Variants in TJAP1 observed in about 807,000 individuals in gnomAD.
TJAP1 encodes the protein tight junction associated protein 1, also known as tight junction-associated protein 1.
In TJAP1, 27 loss-of-function variants were observed where a neutral mutation model predicts 42.0. The ratio of observed to expected loss-of-function variants is 0.64; its 90% CI spans 0.47 to 0.89. The LOEUF (loss-of-function observed/expected upper bound fraction) is 0.89, where lower values mean the gene tolerates loss of function less well. Ranked by LOEUF, TJAP1 falls within the 40% of genes least tolerant of loss-of-function variation. The probability of loss-of-function intolerance (pLI) is 0.00; values close to 1 mark genes in which losing one functional copy is unlikely to be tolerated. For synonymous variants in TJAP1, 257 were observed against 288.4 expected (o/e 0.89, Z 1.10); for missense variants, 712 against 726.9 (o/e 0.98, Z 0.24).
chr6:43,488,390 C>G (rs1787044856), intron 2 of TJAP1, among the ~76,000 whole-genome samples: 1 of 152,120 alleles, frequency 6.6e-6, no homozygotes, highest in African/African-American at 2.4e-5. Context: ...GAGGGTCTTG[C>G]CACAGCAGGC....
chr6:43,502,072 ACACACT>A lies in TJAP1; in HGVS notation c.291-209_291-204del, dbSNP rs1272209493. On this transcript the variant is annotated intron_variant, in intron 6 of 10. Transcript: ENST00000372449. ...GACACACACACACACACACACACAC[ACACACT>A]CTCTCTCTCTCTCTCTCTCTCTCTC... Among the ~76,000 whole-genome samples the A allele has an allele frequency of 1.2e-3, 139 of 117,220 alleles. 4 individuals carry two copies. The highest frequency in any genetic ancestry group is 3.2e-3 in the Admixed American group (40 of 12,584). 76.9% of individuals were successfully genotyped at this position (117,220 alleles called of 152,430 possible). A position where few individuals can be genotyped will look rare whatever the true frequency, so the allele number is the denominator to read the frequency against.
intron 10 of TJAP1, chr6:43,504,492 A>AGAT: frequency 1.9e-6 from 1 of 517,684 alleles, no homozygotes; most frequent in South Asian, 2.4e-5. Context: ...AGAAGCTGGG[A>AGAT]GATAGAAGTT....
intron 2 of TJAP1, among the ~76,000 whole-genome samples, chr6:43,496,043 G>A (rs1300125710): frequency 6.6e-6 from 1 of 152,146 alleles, no homozygotes; most frequent in Non-Finnish European, 1.5e-5. Context: ...GGCACACAAA[G>A]GGGCCTGCAG....
At position 43,492,491 on chromosome 6, in the gene TJAP1, C is replaced by T. The variant is rs1008500662; in HGVS notation, c.-121-5390C>T. Among the ~76,000 whole-genome samples the T allele has an allele frequency of 3.9e-5, 6 of 152,148 alleles. 1 individual carries two copies. The highest frequency in any genetic ancestry group is 2.6e-4 in the Admixed American group (4 of 15,274). On this transcript the variant is annotated intron_variant, in intron 2 of 10. Transcript: ENST00000372449. The surrounding 1 kb of genome is among the most constrained non-coding windows in gnomAD (Gnocchi z 4.2). ...TGAGCTGTTGGCTGCCTGCCTGCCA[C>T]GCGCCCGGGATTGCTGAAGGCTTTA...
Position 43,502,609 on chromosome 6 carries a change from AT to A in TJAP1, c.384del (p.Phe128LeufsTer20). ...TCAGGCCTCTCTTAGCCACAGCTGG[AT>A]TTTTGCAGTTGCGTCTGAGTTTGTG... is the stretch of plus-strand genomic sequence containing the variant. On this transcript the variant is annotated frameshift_variant, in exon 8 of 11. Transcript: ENST00000372449. LOFTEE classifies it high-confidence loss of function. 1 of 1,551,516 alleles carries A rather than the reference AT, an allele frequency of 6.4e-7. No individual in the cohort carries two copies. Among genetic ancestry groups the A allele is most frequent in the Non-Finnish European group, 8.7e-7 (1 of 1,146,972 alleles).
chr6:43,504,115 CTTTT>C (rs869310556), intron 10 of TJAP1: 603 of 256,542 alleles, frequency 2.4e-3, no homozygotes, highest in South Asian at 4.5e-3. Flanking sequence ...AGAGGTATTT[CTTTT>C]TTTTTTTTTT....
At chr6:43,501,891 C>CCACACACACACACACA (rs550223728) in intron 6 of TJAP1, among the ~76,000 whole-genome samples, 15 of 39,068 alleles carry the variant, frequency 3.8e-4, no homozygotes, top group Non-Finnish European at 7.1e-4. Context: ...GAATGCGGGG[C>CCACACACACACACACA]CACACACACA....
rs1319714932 is a variant in TJAP1, at chr6:43,502,931, T to C, written c.387+314T>C. The C allele has an allele frequency of 5.7e-6, 3 of 523,432 alleles. No homozygotes were observed. The Admixed American group carries it at 9.8e-5, about 17-fold the overall frequency. 32.4% of individuals were successfully genotyped at this position (523,432 alleles called of 1,614,324 possible). A position where few individuals can be genotyped will look rare whatever the true frequency, so the allele number is the denominator to read the frequency against. On this transcript the variant is annotated intron_variant, in intron 8 of 10. Transcript: ENST00000372449. ...GAGGCTGCAGATCCAGTCCCTGAAC[T>C]GGAGATCAGAAGGCTACTTTTGAGC...
intron 2 of TJAP1, among the ~76,000 whole-genome samples, chr6:43,488,265 CA>C (rs1330418512): frequency 6.6e-6 from 1 of 151,414 alleles, no homozygotes; most frequent in East Asian, 1.9e-4. Flanking sequence ...CTTAAGTGAC[CA>C]AGGAGTGGAA....
chr6:43,484,748 C>T (rs558093836), intron 2 of TJAP1, among the ~76,000 whole-genome samples: 30 of 152,032 alleles, frequency 2.0e-4, no homozygotes, highest in Non-Finnish European at 3.7e-4. Context: ...TTTCCCAAGA[C>T]GGAGTCTTGC....
rs764689288 is a variant in TJAP1 at position 43,505,723 on chromosome 6, C to A, written c.1542C>A (p.His514Gln). The change falls in exon 11 of 11, where the codon CAC becomes CAA. Residue 514 changes from histidine (H) to glutamine (Q), a missense_variant. This residue lies in a region of TJAP1 where 549 missense variants were observed against 528.2 expected (regional missense o/e 1.04). Coordinates refer to ENST00000372449, the Ensembl canonical transcript of TJAP1. The surrounding 1 kb of genome is among the most constrained non-coding windows in gnomAD (Gnocchi z 5.5). The stretch of plus-strand genomic sequence containing the variant: ...CAGAGGAGGGGCCAGGCACTTCCCA[C>A]ACCGAGGGCAGGGCCTGGCCACTCC... The A allele has an allele frequency of 6.4e-7, 1 of 1,567,150 alleles. No individual in the cohort carries two copies. The highest frequency in any genetic ancestry group is 2.3e-5 in the East Asian group (1 of 44,382).
chr6:43,482,451 C>G (rs1035125719), intron 2 of TJAP1, among the ~76,000 whole-genome samples: 1 of 152,166 alleles, frequency 6.6e-6, no homozygotes, highest in African/African-American at 2.4e-5. Context: ...CCAAACTGAC[C>G]TCATTCTAGC....
rs557340500 is a variant in TJAP1 at position 43,484,085 on chromosome 6, A to C, written c.-122+5853A>C. On this transcript the variant is annotated intron_variant, in intron 2 of 10. Coordinates refer to ENST00000372449, the Ensembl canonical transcript of TJAP1. ...CAATCTCTAAAAAAATTAAAAACAA[A>C]AAAAAAAATAAAATATGGGTGACAT... is the stretch of plus-strand genomic sequence containing the variant. 6.5e-3 allele frequency among the ~76,000 whole-genome samples: 985 copies of C among 152,192 alleles called. 15 individuals are homozygous for C. Among genetic ancestry groups the C allele is most frequent in the South Asian group, 0.04 (194 of 4,822 alleles).
intron 2 of TJAP1, among the ~76,000 whole-genome samples, chr6:43,478,448 G>C (rs144160870): frequency 2.0e-5 from 3 of 152,206 alleles, no homozygotes; most frequent in African/African-American, 7.2e-5. Context: ...CTTCACCTAT[G>C]CAAGTAAACC....
chr6:43,477,646 A>C lies in TJAP1; in HGVS notation c.-268+18A>C, dbSNP rs1460916206. 3 of 152,208 alleles carry C rather than the reference A, an allele frequency of 2.0e-5. No individual in the cohort carries two copies. The highest frequency in any genetic ancestry group is 2.9e-5 in the Non-Finnish European group (2 of 68,188). 9.4% of individuals were successfully genotyped at this position (152,208 alleles called of 1,614,324 possible). A position where few individuals can be genotyped will look rare whatever the true frequency, so the allele number is the denominator to read the frequency against. On this transcript the variant is annotated intron_variant, in intron 1 of 10. Transcript: ENST00000372449. ...GGCGGAAAGTTTGTTGTGGGGTTGGAGTAGTCGGGCGGGGAAGCCAGAGTT... is the reference window on the plus strand; with the variant it reads ...GGCGGAAAGTTTGTTGTGGGGTTGGCGTAGTCGGGCGGGGAAGCCAGAGTT...
intron 2 of TJAP1, among the ~76,000 whole-genome samples, chr6:43,481,281 G>A (rs1344308291): frequency 6.6e-6 from 1 of 152,080 alleles, no homozygotes; most frequent in Non-Finnish European, 1.5e-5. Context: ...GTGATGTGAT[G>A]CAACCTTGGG....
At chr6:43,503,952 T>C (rs1357175350) in intron 10 of TJAP1, 1 of 690,240 alleles carries the variant, frequency 1.4e-6, no homozygotes, top group South Asian at 1.5e-5. Context: ...AGAGAGAAGA[T>C]CCTGGGCAGG....
chr6:43,482,953 C>G (rs757206957), intron 2 of TJAP1, among the ~76,000 whole-genome samples: 2 of 152,070 alleles, frequency 1.3e-5, no homozygotes. Context: ...GAAACCCTGT[C>G]TCTACTAAAA....
intron 2 of TJAP1, among the ~76,000 whole-genome samples, chr6:43,493,570 C>T (rs1316217275): frequency 1.3e-5 from 2 of 152,152 alleles, no homozygotes; most frequent in Admixed American, 1.3e-4. Context: ...GAAGGGATGG[C>T]CTCAGCCTCA....
Sources: allele counts gnomAD v4.1 joint callset (sites outside exome capture counted in the v4.1 genomes callset), GRCh38; gene constraint gnomAD v4.1.1; regional missense constraint gnomAD v4.1.1; non-coding constraint Gnocchi (gnomAD v3.1); transcripts MANE v1.5; gene names NCBI Gene and HGNC (gene_info 2026-07-23, HGNC 2026-07-21).